GRM7: variants seen among roughly 807,000 people sequenced by gnomAD.
GRM7 encodes the protein metabotropic glutamate receptor 7.
In GRM7, 35 loss-of-function variants were observed where a neutral mutation model predicts 84.5. The observed-to-expected ratio is 0.41, with a 90% CI of 0.32 to 0.55. GRM7 has a LOEUF of 0.55. GRM7 is among the 20% of genes least tolerant of loss of function. The pLI is 0.19. For synonymous variants in GRM7, 487 were observed against 455.1 expected (o/e 1.07, Z -0.89); for missense variants, 1,003 against 1,194.6 (o/e 0.84, Z 2.36).
At chr3:7,137,609 T>G (rs1482359443) in intron 1 of GRM7, among the ~76,000 whole-genome samples, 1 of 151,934 alleles carries the variant, frequency 6.6e-6, no homozygotes, top group Admixed American at 6.6e-5. Flanking sequence ...AGAAAAAAAC[T>G]TGGGGGAGAG....
intron 2 of GRM7, among the ~76,000 whole-genome samples, chr3:7,264,078 G>A (rs948783882): frequency 6.6e-6 from 1 of 152,070 alleles, no homozygotes; most frequent in Non-Finnish European, 1.5e-5. Context: ...CAGGAGCTAT[G>A]ATGCAGGCTC....
chr3:7,145,498 T>C (rs1350710142), intron 1 of GRM7, among the ~76,000 whole-genome samples: 1 of 152,186 alleles, frequency 6.6e-6, no homozygotes, highest in Non-Finnish European at 1.5e-5. Flanking sequence ...AGACATTTTT[T>C]TGCAGCTCTT....
chr3:6,935,096 A>T (rs1219445815), intron 1 of GRM7, among the ~76,000 whole-genome samples: 1 of 152,208 alleles, frequency 6.6e-6, no homozygotes, highest in African/African-American at 2.4e-5. Flanking sequence ...ATGAAAACAC[A>T]GTTGATTTGG....
At chr3:7,310,039 C>G (rs1700336053) in intron 4 of GRM7, among the ~76,000 whole-genome samples, 1 of 152,194 alleles carries the variant, frequency 6.6e-6, no homozygotes, top group Non-Finnish European at 1.5e-5. Context: ...TCCAAGGAAT[C>G]TGCAGAGTAC....
intron 1 of GRM7, among the ~76,000 whole-genome samples, chr3:6,913,021 T>C (rs866207578): frequency 3.3e-5 from 5 of 152,166 alleles, no homozygotes; most frequent in Middle Eastern, 3.2e-3. Context: ...TATTCAACAT[T>C]AGCAGTTCAA....
At chr3:7,067,375 C>T (rs1425786627) in intron 1 of GRM7, among the ~76,000 whole-genome samples, 2 of 151,914 alleles carry the variant, frequency 1.3e-5, no homozygotes, top group Non-Finnish European at 2.9e-5. Context: ...ATTACATCAA[C>T]AACGGCCAAG....
intron 1 of GRM7, among the ~76,000 whole-genome samples, chr3:6,904,094 G>A (rs573454716): frequency 6.6e-6 from 1 of 151,906 alleles, no homozygotes; most frequent in Admixed American, 6.6e-5. Context: ...TCCATTTGTT[G>A]TACATAAATC....
At chr3:7,725,260 A>T (rs1266002328) in intron 9 of GRM7, among the ~76,000 whole-genome samples, 1 of 152,186 alleles carries the variant, frequency 6.6e-6, no homozygotes, top group Non-Finnish European at 1.5e-5. Flanking sequence ...ATCCTGAAGA[A>T]AGAGAAACAG....
At chr3:7,372,920 T>G (rs1451768069) in intron 4 of GRM7, among the ~76,000 whole-genome samples, 1 of 152,126 alleles carries the variant, frequency 6.6e-6, no homozygotes, top group Non-Finnish European at 1.5e-5. Context: ...ATATTTTCTC[T>G]CTTTATTTTT....
chr3:7,646,451 C>T (rs1194173110), intron 8 of GRM7, among the ~76,000 whole-genome samples: 4 of 152,094 alleles, frequency 2.6e-5, no homozygotes, highest in African/African-American at 9.7e-5. Flanking sequence ...CTCAGCCTCC[C>T]AAAGTGCTTG....
intron 1 of GRM7, among the ~76,000 whole-genome samples, chr3:7,013,026 A>G (rs1213918233): frequency 6.6e-6 from 1 of 152,034 alleles, no homozygotes; most frequent in Non-Finnish European, 1.5e-5. Flanking sequence ...AGGTATGAGC[A>G]ATGGCACCTG....
At chr3:6,867,723 A>T (rs1694983740) in intron 1 of GRM7, among the ~76,000 whole-genome samples, 1 of 152,192 alleles carries the variant, frequency 6.6e-6, no homozygotes, top group Non-Finnish European at 1.5e-5. Flanking sequence ...TATTTATGCA[A>T]CATATAGTCT....
At chr3:7,032,557 C>A (rs766402988) in intron 1 of GRM7, among the ~76,000 whole-genome samples, 3 of 152,064 alleles carry the variant, frequency 2.0e-5, no homozygotes, top group Non-Finnish European at 2.9e-5. Flanking sequence ...AAGATAAGTT[C>A]CCCTACCATT....
chr3:7,495,595 G>A (rs890296909), intron 7 of GRM7, among the ~76,000 whole-genome samples: 2 of 152,056 alleles, frequency 1.3e-5, no homozygotes, highest in African/African-American at 4.8e-5. Context: ...GAGAAAAAAA[G>A]AATCTCAGGG....
At chr3:7,512,810 T>C (rs956575708) in intron 7 of GRM7, among the ~76,000 whole-genome samples, 1 of 152,108 alleles carries the variant, frequency 6.6e-6, no homozygotes, top group Admixed American at 6.5e-5. Context: ...CAGACGTTTT[T>C]GGGGGAGTGC....
At chr3:7,097,921 CGTT>C (rs1181122106) in intron 1 of GRM7, among the ~76,000 whole-genome samples, 1 of 152,040 alleles carries the variant, frequency 6.6e-6, no homozygotes, top group East Asian at 1.9e-4. Flanking sequence ...CACTGAATCT[CGTT>C]GAGGAGATGA....
At chr3:7,663,108 CTCTGATTA>C (rs1363179645) in intron 8 of GRM7, among the ~76,000 whole-genome samples, 1 of 152,002 alleles carries the variant, frequency 6.6e-6, no homozygotes, top group Non-Finnish European at 1.5e-5. Context: ...CTAAGTGATA[CTCTGATTA>C]TGGCTGAACT....
At chr3:7,200,964 ATTTT>A (rs71625339) in intron 2 of GRM7, among the ~76,000 whole-genome samples, 6 of 98,154 alleles carry the variant, frequency 6.1e-5, no homozygotes, top group African/African-American at 1.7e-4. Context: ...ACATTTCAGA[ATTTT>A]TTTTTTTTTT....
chr3:7,269,985 CT>C (rs1476043684), intron 2 of GRM7, among the ~76,000 whole-genome samples: 1 of 152,180 alleles, frequency 6.6e-6, no homozygotes. Flanking sequence ...ATCTCTCAAA[CT>C]TTAGCATGCA....
Sources: gnomAD v4.1 joint callset for allele counts (sites outside exome capture counted in the v4.1 genomes callset) on GRCh38, gnomAD v4.1.1 for gene constraint, MANE v1.5 for transcripts, NCBI Gene and HGNC (gene_info 2026-07-23, HGNC 2026-07-21) for gene names.